The following DHRSX variants were observed in gnomAD, a reference collection of about 807,000 sequenced individuals.
DHRSX encodes polyprenol dehydrogenase.
DHRSX carries 31 observed loss-of-function variants against 34.0 expected under a neutral mutation model. That is an observed-to-expected ratio of 0.91 (90% CI 0.69 to 1.23). The LOEUF (loss-of-function observed/expected upper bound fraction) is 1.23. DHRSX is among the 50% of genes most tolerant of loss of function. DHRSX has a pLI of 0.00. For synonymous variants in DHRSX, 201 were observed against 183.8 expected (o/e 1.09, Z -0.76); for missense variants, 414 against 428.1 (o/e 0.97, Z 0.29).
intron 3 of DHRSX, among the ~76,000 whole-genome samples, chrX:2,305,209 G>A (rs1245505532): frequency 6.6e-6 from 1 of 151,978 alleles, no homozygotes; most frequent in African/African-American, 2.4e-5. Context: ...TGTTGTGGGT[G>A]GGGGTCAGGG....
chrX:2,307,859 C>G (rs933505231), intron 3 of DHRSX, among the ~76,000 whole-genome samples: 6 of 151,660 alleles, frequency 4.0e-5, no homozygotes, highest in African/African-American at 1.5e-4. Flanking sequence ...GACCAAGACA[C>G]CAGGGTGATC....
At chrX:2,232,033 C>CCTCCTCCACTT (rs374747047) in intron 6 of DHRSX, among the ~76,000 whole-genome samples, 6 of 145,120 alleles carry the variant, frequency 4.1e-5, no homozygotes, top group Admixed American at 2.1e-4. Context: ...TCTTCCTTCT[C>CCTCCTCCACTT]CTCCTTTTTC....
intron 1 of DHRSX, chrX:2,489,791 G>T (rs780897539): frequency 2.5e-6 from 4 of 1,613,416 alleles, no homozygotes; most frequent in East Asian, 4.5e-5. Flanking sequence ...CGACAGCAGC[G>T]CCCCCAGCTT....
intron 3 of DHRSX, among the ~76,000 whole-genome samples, chrX:2,403,672 C>T (rs1199014915): frequency 5.3e-5 from 8 of 151,858 alleles, no homozygotes; most frequent in Non-Finnish European, 8.8e-5. Context: ...CTGGCTAACA[C>T]GGTGAAACCC....
chrX:2,259,347 GAT>G (rs1284851693), intron 5 of DHRSX, among the ~76,000 whole-genome samples: 36 of 138,558 alleles, frequency 2.6e-4, no homozygotes, highest in African/African-American at 6.9e-4. Flanking sequence ...TATAGATATA[GAT>G]ATATAGATAG....
intron 4 of DHRSX, among the ~76,000 whole-genome samples, chrX:2,276,656 G>A (rs2041656689): frequency 6.6e-6 from 1 of 151,854 alleles, no homozygotes; most frequent in African/African-American, 2.4e-5. Flanking sequence ...ATCCTGAACG[G>A]GAGGAGAAGG....
chrX:2,327,046 C>T (rs2042395568), intron 3 of DHRSX, among the ~76,000 whole-genome samples: 1 of 152,190 alleles, frequency 6.6e-6, no homozygotes, highest in South Asian at 2.1e-4. Flanking sequence ...CTCCTGACCT[C>T]AGGTGATCCA....
rs775752923 is a variant in DHRSX, at chrX:2,484,006, G to A, written c.109+16811C>T. 4.6e-5 allele frequency among the ~76,000 whole-genome samples: 7 copies of A among 152,222 alleles called. No homozygotes were observed. The South Asian group carries it at 1.5e-3, about 32-fold the overall frequency. On this transcript the variant is annotated intron_variant, in intron 1 of 6. Coordinates refer to ENST00000334651, the MANE Select transcript of DHRSX (RefSeq NM_145177.3). ...GTGGGAGTGGAATACACGGAGTCTCGCTCTTGTCGCCCAGGATGGAGCGCA... is the reference window on the plus strand; with the variant it reads ...GTGGGAGTGGAATACACGGAGTCTCACTCTTGTCGCCCAGGATGGAGCGCA...
chrX:2,454,840 T>C (rs7049859), intron 1 of DHRSX, among the ~76,000 whole-genome samples: 71,942 of 151,626 alleles, frequency 0.47, 20,211 homozygotes, highest in African/African-American at 0.77. Context: ...TGGTTGGGCG[T>C]GGTGGCTCAC....
At position 2,284,998 on chromosome X, in the gene DHRSX, A is replaced by G. The variant is rs370318663; in HGVS notation, c.388+6504T>C. 1.3e-3 allele frequency among the ~76,000 whole-genome samples: 204 copies of G among 152,264 alleles called. 1 individual carries two copies. Among genetic ancestry groups the G allele is most frequent in the African/African-American group, 4.6e-3 (193 of 41,550 alleles). ...CTGGGGCTGTTTTCCATGAGACTTG[A>G]GGCACGTGGTTGACTAGCAGGAGTT... On this transcript the variant is annotated intron_variant, in intron 4 of 6. Coordinates refer to ENST00000334651, the MANE Select transcript of DHRSX (RefSeq NM_145177.3).
At chrX:2,492,308 G>A (rs949664102) in intron 1 of DHRSX, among the ~76,000 whole-genome samples, 5 of 152,184 alleles carry the variant, frequency 3.3e-5, no homozygotes, top group African/African-American at 1.2e-4. Context: ...AGGAGACACG[G>A]ACACACAGGA....
chrX:2,265,436 G>C (rs1362412494), intron 5 of DHRSX, among the ~76,000 whole-genome samples: 1 of 130,660 alleles, frequency 7.7e-6, no homozygotes, highest in Admixed American at 7.4e-5. Flanking sequence ...CAGAGCACCA[G>C]TGTCCAGCAG....
chrX:2,253,424 G>C (rs2016487012), intron 5 of DHRSX, among the ~76,000 whole-genome samples: 1 of 151,460 alleles, frequency 6.6e-6, no homozygotes, highest in South Asian at 2.1e-4. Context: ...GGACATGGCC[G>C]TGAGCCAAGA....
In DHRSX at chrX:2,243,093, G is replaced by C. The variant is rs1445068793; in HGVS notation, c.734C>G (p.Thr245Arg). ...ANVVDPGVVNTDVYKHVFWAT... is the reference protein window; with the variant it reads ...ANVVDPGVVNRDVYKHVFWAT... ...CCAGAACACGTGCTTGTAGACGTCC[G>C]TGTTGACCACCCCGGGGTCCACCAC... Residue 245 changes from threonine (T) to arginine (R), a missense_variant, in exon 6 of 7, where the codon ACG becomes AGG. By Grantham distance (71) the Thr-to-Arg change is moderately conservative. Coordinates refer to ENST00000334651, the MANE Select transcript of DHRSX (RefSeq NM_145177.3). 1.2e-6 allele frequency: 2 copies of C among 1,613,764 alleles called. No homozygotes were observed. Among genetic ancestry groups the C allele is most frequent in the African/African-American group, 2.7e-5 (2 of 74,898 alleles).
intron 1 of DHRSX, among the ~76,000 whole-genome samples, chrX:2,485,770 AGGAAGGGAGAAAAGGGAGAGAAGG>A (rs2044891773): frequency 3.1e-5 from 1 of 32,668 alleles, no homozygotes; most frequent in African/African-American, 1.5e-4. Flanking sequence ...GAGAGAAGGA[AGGAAGGGAGAAAAGGGAGAGAAGG>A]GAGAGAAGGA....
intron 3 of DHRSX, among the ~76,000 whole-genome samples, chrX:2,371,834 G>A (rs954165630): frequency 1.3e-5 from 2 of 152,110 alleles, no homozygotes; most frequent in African/African-American, 4.8e-5. Flanking sequence ...GTTGCTACCT[G>A]TGTATCTGGT....
chrX:2,425,392 G>A (rs1432091486), intron 1 of DHRSX, 88 bp from the exon 2 acceptor site: 15 of 1,109,914 alleles, frequency 1.4e-5, no homozygotes, highest in Non-Finnish European at 2.0e-5. Flanking sequence ...GAGGCAAGAT[G>A]CCAAAGGGAG....
At chrX:2,282,758 AGGGGAGAAAGCGAGGGAGGGAGGGGGAG>A (rs2041733596) in intron 4 of DHRSX, among the ~76,000 whole-genome samples, 2 of 109,360 alleles carry the variant, frequency 1.8e-5, no homozygotes, top group African/African-American at 7.2e-5. Context: ...GAGAGAGAAG[AGGGGAGAAAGCGAGGGAGGGAGGGGGAG>A]AGAGAGAAGA....
At chrX:2,313,516 G>A (rs1382516270) in intron 3 of DHRSX, among the ~76,000 whole-genome samples, 2 of 151,664 alleles carry the variant, frequency 1.3e-5, no homozygotes, top group Non-Finnish European at 2.9e-5. Context: ...CTACAGGCAA[G>A]CGCCACCATG....
Sources: gnomAD v4.1 joint callset for allele counts (sites outside exome capture counted in the v4.1 genomes callset) on GRCh38, gnomAD v4.1.1 for gene constraint, MANE v1.5 for transcripts, NCBI Gene and HGNC (gene_info 2026-07-23, HGNC 2026-07-21) for gene names.